SNTG2: variants seen among roughly 807,000 people sequenced by gnomAD.
SNTG2 encodes the protein gamma-2-syntrophin.
SNTG2 carries 74 observed loss-of-function variants against 70.9 expected under a neutral mutation model. The ratio of observed to expected loss-of-function variants is 1.04; its 90% CI spans 0.86 to 1.27. The LOEUF is 1.27. SNTG2 is among the 50% of genes most tolerant of loss of function. SNTG2 has a pLI of 0.00. For missense variants in SNTG2, 717 were observed against 690.7 expected (o/e 1.04, Z -0.43); for synonymous variants, 278 against 273.8 (o/e 1.02, Z -0.15).
chr2:1,154,799 C>A (rs559593840), intron 6 of SNTG2, among the ~76,000 whole-genome samples: 1 of 152,012 alleles, frequency 6.6e-6, no homozygotes, highest in Admixed American at 6.6e-5. Flanking sequence ...ACCTCCAACA[C>A]ATACATCCCA....
chr2:1,084,526 G>A (rs906018128), intron 2 of SNTG2, among the ~76,000 whole-genome samples: 2 of 152,140 alleles, frequency 1.3e-5, no homozygotes, highest in African/African-American at 2.4e-5. Context: ...TGGGATGGGG[G>A]CAGGGTCCCC....
intron 4 of SNTG2, among the ~76,000 whole-genome samples, chr2:1,099,863 G>A (rs1322059022): frequency 1.3e-5 from 2 of 152,134 alleles, no homozygotes; most frequent in African/African-American, 2.4e-5. Flanking sequence ...ATTCTTTTTC[G>A]GCAGAAGGAC....
intron 6 of SNTG2, among the ~76,000 whole-genome samples, chr2:1,145,924 A>G (rs995743950): frequency 2.6e-5 from 4 of 152,244 alleles, no homozygotes; most frequent in African/African-American, 7.2e-5. Context: ...GTAATTTATC[A>G]CATTAACAAA....
At chr2:1,162,272 C>T (rs1030133869) in intron 6 of SNTG2, among the ~76,000 whole-genome samples, 7 of 152,136 alleles carry the variant, frequency 4.6e-5, no homozygotes, top group South Asian at 2.1e-4. Flanking sequence ...TCACTTACCT[C>T]GGGTATGGAG....
chr2:1,353,367 G>A lies in SNTG2; in HGVS notation c.1489-13976G>A, dbSNP rs181197669. On this transcript the variant is annotated intron_variant, in intron 16 of 16. Coordinates refer to ENST00000308624, the MANE Select transcript of SNTG2 (RefSeq NM_018968.4). The surrounding 1 kb of genome is among the most constrained non-coding windows in gnomAD (Gnocchi z 4.2). ...CCTGGCTTGGACTCTCTGCAGCACC[G>A]CAAGTGTGGAATTGAGTTCCGGGGT... is the stretch of plus-strand genomic sequence containing the variant. Among the ~76,000 whole-genome samples the A allele has an allele frequency of 6.6e-6, 1 of 152,272 alleles. No homozygotes were observed. Among genetic ancestry groups the A allele is most frequent in the Admixed American group, 6.5e-5 (1 of 15,298 alleles).
At chr2:1,244,613 G>A (rs1022620040) in intron 11 of SNTG2, among the ~76,000 whole-genome samples, 7 of 148,776 alleles carry the variant, frequency 4.7e-5, no homozygotes, top group South Asian at 2.2e-4. Context: ...GGAGAATGGC[G>A]TGAACCTGGG....
At chr2:1,112,123 T>C (rs528310161) in intron 4 of SNTG2, among the ~76,000 whole-genome samples, 11 of 151,666 alleles carry the variant, frequency 7.3e-5, no homozygotes, top group South Asian at 4.2e-4. Context: ...AGGATAATCA[T>C]GTATACTAAG....
At chr2:1,305,163 A>C (rs1326647308) in intron 14 of SNTG2, among the ~76,000 whole-genome samples, 1 of 152,204 alleles carries the variant, frequency 6.6e-6, no homozygotes, top group Non-Finnish European at 1.5e-5. Context: ...ACAAACCATG[A>C]AGTGTTCTGC....
intron 16 of SNTG2, among the ~76,000 whole-genome samples, chr2:1,354,938 C>T (rs1404654097): frequency 6.6e-6 from 1 of 152,214 alleles, no homozygotes; most frequent in Non-Finnish European, 1.5e-5. Context: ...GGCGGAAGTT[C>T]TCCCTGTGTC....
intron 1 of SNTG2, among the ~76,000 whole-genome samples, chr2:997,930 C>A (rs1226996846): frequency 6.6e-6 from 1 of 152,200 alleles, no homozygotes; most frequent in Non-Finnish European, 1.5e-5. Flanking sequence ...CACAAAGAAG[C>A]ATGATGAGAT....
chr2:963,373 A>G (rs1334490391), intron 1 of SNTG2, among the ~76,000 whole-genome samples: 1 of 152,154 alleles, frequency 6.6e-6, no homozygotes, highest in Non-Finnish European at 1.5e-5. Context: ...TCTTTATTTA[A>G]CTTTATCATA....
At chr2:1,007,367 A>C (rs148681233) in intron 1 of SNTG2, among the ~76,000 whole-genome samples, 54 of 152,336 alleles carry the variant, frequency 3.5e-4, no homozygotes, top group Admixed American at 6.5e-4. Context: ...TGCCAAGAGA[A>C]GTAGCAAAGG....
At chr2:1,302,660 A>G (rs868694585) in intron 14 of SNTG2, among the ~76,000 whole-genome samples, 4 of 152,228 alleles carry the variant, frequency 2.6e-5, no homozygotes, top group Non-Finnish European at 5.9e-5. Flanking sequence ...AATAAATTAC[A>G]TGAAGTGAAA....
intron 14 of SNTG2, among the ~76,000 whole-genome samples, chr2:1,302,166 A>G (rs566783801): frequency 1.5e-3 from 231 of 152,106 alleles, no homozygotes; most frequent in African/African-American, 5.1e-3. Context: ...TCATCATGTT[A>G]GCCAGGCTGG....
At chr2:992,033 A>G (rs968323259) in intron 1 of SNTG2, among the ~76,000 whole-genome samples, 1 of 152,270 alleles carries the variant, frequency 6.6e-6, no homozygotes, top group East Asian at 1.9e-4. Flanking sequence ...ATGCAGATGA[A>G]GGAAATAACA....
intron 14 of SNTG2, among the ~76,000 whole-genome samples, chr2:1,277,467 T>A (rs1679314972): frequency 6.6e-6 from 1 of 152,220 alleles, no homozygotes; most frequent in African/African-American, 2.4e-5. Flanking sequence ...ATGTTTAAAT[T>A]AAGGTGTGTA....
intron 4 of SNTG2, among the ~76,000 whole-genome samples, chr2:1,117,417 T>A (rs549447047): frequency 1.1e-4 from 16 of 152,322 alleles, no homozygotes; most frequent in African/African-American, 3.8e-4. Context: ...TTTCCTTTTT[T>A]TCTTTCTCGT....
chr2:1,100,715 T>C (rs1197969233), intron 4 of SNTG2, among the ~76,000 whole-genome samples: 5 of 152,300 alleles, frequency 3.3e-5, no homozygotes, highest in Non-Finnish European at 7.4e-5. Context: ...TGCAGCTCTG[T>C]TCCTGTCCTC....
intron 1 of SNTG2, among the ~76,000 whole-genome samples, chr2:976,851 C>T (rs1276204708): frequency 6.6e-6 from 1 of 152,132 alleles, no homozygotes; most frequent in East Asian, 1.9e-4. Flanking sequence ...CTGCCACACC[C>T]CCTCCCCCAT....
Sources: gnomAD v4.1 joint callset for allele counts (sites outside exome capture counted in the v4.1 genomes callset) on GRCh38, gnomAD v4.1.1 for gene constraint, Gnocchi (gnomAD v3.1) non-coding constraint, MANE v1.5 for transcripts, NCBI Gene and HGNC (gene_info 2026-07-23, HGNC 2026-07-21) for gene names.